RASSF8: variants seen among roughly 807,000 people sequenced by gnomAD.
RASSF8 encodes the protein ras association domain-containing protein 8.
Under a neutral mutation model 48.5 loss-of-function variants are expected in RASSF8, and 22 were observed. That is an observed-to-expected ratio of 0.45 (90% CI 0.32 to 0.65). The LOEUF (loss-of-function observed/expected upper bound fraction) is 0.65, where lower values mean the gene tolerates loss of function less well. Ranked by LOEUF, RASSF8 falls within the 30% of genes least tolerant of loss-of-function variation. RASSF8 has a pLI of 0.03. For synonymous variants in RASSF8, 127 were observed against 171.5 expected, an observed-to-expected ratio of 0.74 and a Z score of 2.03; for missense variants, 418 against 489.2, an observed-to-expected ratio of 0.85 and a Z score of 1.37.
intron 1 of RASSF8, among the ~76,000 whole-genome samples, chr12:25,965,840 T>A (rs1043520292): frequency 6.6e-6 from 1 of 152,266 alleles, no homozygotes; most frequent in African/African-American, 2.4e-5. Context: ...GTTTGGAGAT[T>A]CATTCATGTT....
intron 2 of RASSF8, among the ~76,000 whole-genome samples, chr12:26,049,485 G>A (rs1943443568): frequency 6.6e-6 from 1 of 152,146 alleles, no homozygotes; most frequent in Admixed American, 6.5e-5. Context: ...TTAGAAATAA[G>A]TGCCATCCTT....
In RASSF8 at chr12:26,069,024, G is replaced by A; in HGVS notation, c.*206G>A. On this transcript the variant is annotated 3_prime_UTR_variant, in exon 6 of 6. Transcript: ENST00000689635. ...TGTGTTTTCACACATCAACAGTGTT[G>A]ATATTTTTGTCCAGCAGCTATAATG... is the stretch of plus-strand genomic sequence containing the variant. The A allele has an allele frequency of 8.0e-7, 1 of 1,255,172 alleles. No individual in the cohort carries two copies. The highest frequency in any genetic ancestry group is 1.0e-6 in the Non-Finnish European group (1 of 996,606). 77.8% of individuals were successfully genotyped at this position (1,255,172 alleles called of 1,614,324 possible).
chr12:26,073,691 A>G (rs532116812), downstream of RASSF8, among the ~76,000 whole-genome samples: 273 of 151,374 alleles, frequency 1.8e-3, 2 homozygotes, highest in African/African-American at 6.3e-3. Flanking sequence ...GTGAGCCGAG[A>G]TCGCACCACT....
intron 1 of RASSF8, among the ~76,000 whole-genome samples, chr12:25,979,501 A>G (rs1941687987): frequency 6.6e-6 from 1 of 152,180 alleles, no homozygotes; most frequent in Admixed American, 6.5e-5. Context: ...TTAAAAAAAA[A>G]AGATAATTTA....
intron 2 of RASSF8, among the ~76,000 whole-genome samples, chr12:26,038,533 TGTA>T (rs2137144505): frequency 6.6e-6 from 1 of 152,078 alleles, no homozygotes; most frequent in East Asian, 1.9e-4. Flanking sequence ...CCAAAAACCT[TGTA>T]TAACCTACTC....
intron 2 of RASSF8, among the ~76,000 whole-genome samples, chr12:26,019,451 C>T (rs149980429): frequency 1.2e-4 from 19 of 152,202 alleles, no homozygotes; most frequent in African/African-American, 4.6e-4. Flanking sequence ...ACATTACAGC[C>T]ATTAAAATAA....
chr12:26,050,163 T>C (rs114530868), intron 2 of RASSF8, among the ~76,000 whole-genome samples: 1 of 152,208 alleles, frequency 6.6e-6, no homozygotes, highest in Admixed American at 6.5e-5. Context: ...TTATACTAGA[T>C]GTGACTGAAA....
Position 25,960,597 on chromosome 12 carries a change from C to T in RASSF8, c.-203+1449C>T, listed in dbSNP as rs573179214. ...AACATAGTTTGATGATTATTCTATT[C>T]AAGGATCAAGTACAACAAAATATAA... On this transcript the variant is annotated intron_variant, in intron 1 of 5. Transcript: ENST00000689635. 9.9e-5 allele frequency among the ~76,000 whole-genome samples: 15 copies of T among 152,274 alleles called. No individual in the cohort carries two copies. The South Asian group carries it at 3.1e-3, about 32-fold the overall frequency.
intron 2 of RASSF8, among the ~76,000 whole-genome samples, chr12:26,050,957 G>T (rs185033726): frequency 1.3e-5 from 2 of 152,114 alleles, no homozygotes; most frequent in African/African-American, 2.4e-5. Flanking sequence ...CAGTTTCCAG[G>T]TGATTAAAGA....
chr12:26,028,275 G>A (rs1195738648), intron 2 of RASSF8, among the ~76,000 whole-genome samples: 8 of 152,108 alleles, frequency 5.3e-5, no homozygotes, highest in African/African-American at 1.2e-4. Flanking sequence ...ATCTTTTAAT[G>A]AGCGTACTTT....
chr12:26,022,322 A>G (rs926157273), intron 2 of RASSF8, among the ~76,000 whole-genome samples: 1 of 152,228 alleles, frequency 6.6e-6, no homozygotes, highest in African/African-American at 2.4e-5. Context: ...CAGGAGAAAT[A>G]GACTTCCCAA....
At chr12:25,977,149 T>C (rs1238005906) in intron 1 of RASSF8, among the ~76,000 whole-genome samples, 1 of 152,240 alleles carries the variant, frequency 6.6e-6, no homozygotes, top group Non-Finnish European at 1.5e-5. Flanking sequence ...ATTAGCAACA[T>C]TGTCATTATG....
At chr12:25,964,947 T>C (rs1004133189) in intron 1 of RASSF8, among the ~76,000 whole-genome samples, 1 of 151,292 alleles carries the variant, frequency 6.6e-6, no homozygotes, top group African/African-American at 2.5e-5. Context: ...AATTAATTAA[T>C]TTATATATTT....
intron 2 of RASSF8, among the ~76,000 whole-genome samples, chr12:26,046,681 A>G (rs1018944636): frequency 2.7e-5 from 4 of 146,852 alleles, no homozygotes; most frequent in Non-Finnish European, 4.5e-5. Context: ...TTAAAAAAAA[A>G]TAGTATTTAT....
At chr12:26,046,772 G>A (rs192389093) in intron 2 of RASSF8, among the ~76,000 whole-genome samples, 15 of 152,320 alleles carry the variant, frequency 9.8e-5, no homozygotes, top group African/African-American at 3.6e-4. Flanking sequence ...TTACCATTTG[G>A]CTAGTTAGTT....
chr12:26,077,553 G>T (rs1027101685), downstream of RASSF8, among the ~76,000 whole-genome samples: 1 of 152,072 alleles, frequency 6.6e-6, no homozygotes, highest in African/African-American at 2.4e-5. Context: ...TGTCAGGTTT[G>T]TCAAAGATCA....
intron 2 of RASSF8, among the ~76,000 whole-genome samples, chr12:26,004,909 T>A (rs968011363): frequency 7.2e-6 from 1 of 138,598 alleles, no homozygotes; most frequent in African/African-American, 2.7e-5. Context: ...ATCCCAGCAC[T>A]TTGGGAGGCC....
chr12:25,995,662 G>T (rs1438986365), intron 2 of RASSF8, among the ~76,000 whole-genome samples: 2 of 151,786 alleles, frequency 1.3e-5, no homozygotes, highest in African/African-American at 2.4e-5. Context: ...GTCAAGGGGG[G>T]GCATAAAAAT....
Position 26,068,836 on chromosome 12 carries a change from G to T in RASSF8, c.*18G>T. On this transcript the variant is annotated 3_prime_UTR_variant, in exon 6 of 6. Coordinates refer to ENST00000689635, the MANE Select transcript of RASSF8 (RefSeq NM_001394098.1). ...ATGTATGACATTATCTGTCTTTAGG[G>T]AGGAGACCCAACAGAGGTACCAAGG... 3 of 1,536,260 alleles carry T rather than the reference G, an allele frequency of 2.0e-6. No individual in the cohort carries two copies. The highest frequency in any genetic ancestry group is 2.6e-6 in the Non-Finnish European group (3 of 1,146,388).
Sources: gnomAD v4.1 joint callset for allele counts (sites outside exome capture counted in the v4.1 genomes callset) on GRCh38, gnomAD v4.1.1 for gene constraint, MANE v1.5 for transcripts, NCBI Gene and HGNC (gene_info 2026-07-23, HGNC 2026-07-21) for gene names.